The following DPF3 variants were observed in gnomAD, a reference collection of about 807,000 sequenced individuals.
DPF3 encodes the protein double PHD fingers 3.
In DPF3, 18 loss-of-function variants were observed where a neutral mutation model predicts 56.8. The observed-to-expected ratio is 0.32, with a 90% confidence interval of 0.22 to 0.47. The LOEUF is 0.47. DPF3 is among the 20% of genes least tolerant of loss of function. The pLI, the probability that DPF3 is intolerant of heterozygous loss-of-function variation, is 1.00. For synonymous variants in DPF3, 188 were observed against 180.2 expected (o/e 1.04, Z -0.35); for missense variants, 403 against 488.8 (o/e 0.82, Z 1.65).
chr14:72,715,948 G>A (rs1888904760), intron 5 of DPF3, among the ~76,000 whole-genome samples: 1 of 151,196 alleles, frequency 6.6e-6, no homozygotes, highest in African/African-American at 2.4e-5. Flanking sequence ...GTCACCCCGG[G>A]CACTGACAGG....
chr14:72,773,830 AG>A, intron 1 of DPF3: 1 of 455,170 alleles, frequency 2.2e-6, no homozygotes, highest in Non-Finnish European at 4.4e-6. Flanking sequence ...TAATATTTTA[AG>A]TCAGAATAAT....
At chr14:72,773,294 G>A (rs988014284) in intron 1 of DPF3, among the ~76,000 whole-genome samples, 3 of 151,860 alleles carry the variant, frequency 2.0e-5, no homozygotes, top group Admixed American at 6.6e-5. Context: ...CACCATGCCC[G>A]GCTAATTTTT....
chr14:72,687,335 G>A (rs1013553305), intron 7 of DPF3, among the ~76,000 whole-genome samples: 1 of 151,984 alleles, frequency 6.6e-6, no homozygotes, highest in Non-Finnish European at 1.5e-5. Context: ...TTCCCTCTTA[G>A]GAGCTCTGAG....
intron 8 of DPF3, chr14:72,661,618 C>G (rs568865156): frequency 3.0e-4 from 293 of 985,420 alleles, no homozygotes; most frequent in Non-Finnish European, 3.4e-4. Flanking sequence ...AAAACGCCCA[C>G]TTCCGCCAGC....
Position 72,612,492 on chromosome 14 carries a change from G to T in DPF3, c.*6805C>A, listed in dbSNP as rs927395308. 2 of 518,660 alleles carry T rather than the reference G, an allele frequency of 3.9e-6. No individual in the cohort carries two copies. Among genetic ancestry groups the T allele is most frequent in the Admixed American group, 1.9e-5 (1 of 51,552 alleles). The allele number at this position is 518,660 out of a possible 1,614,324, so 32.1% of individuals were successfully genotyped here. A position where few individuals can be genotyped will look rare whatever the true frequency, so the allele number is the denominator to read the frequency against. On this transcript the variant is annotated 3_prime_UTR_variant, in exon 11 of 11. Coordinates refer to ENST00000556509, the MANE Select transcript of DPF3 (RefSeq NM_001280542.3). ...ACTACATGTTGAAAATGTGCACGGGGTATATTTTCTTTTTCCTATACGCCA... is the reference window on the plus strand; with the variant it reads ...ACTACATGTTGAAAATGTGCACGGGTTATATTTTCTTTTTCCTATACGCCA...
intron 8 of DPF3, chr14:72,670,651 C>A (rs909727532): frequency 1.3e-5 from 13 of 990,524 alleles, no homozygotes; most frequent in Non-Finnish European, 1.2e-6. Context: ...CTCTCTCTCT[C>A]TCTCTCTCGC....
intron 1 of DPF3, among the ~76,000 whole-genome samples, chr14:72,861,058 CACACACACACAGACACAT>C (rs1267340081): frequency 7.5e-6 from 1 of 132,968 alleles, no homozygotes; most frequent in African/African-American, 3.1e-5. Context: ...CACACACACA[CACACACACACAGACACAT>C]ACACACTTCC....
In DPF3 at chr14:72,782,266, G is replaced by T. The variant is rs1188695845; in HGVS notation, c.33-10373C>A. 3.4e-5 allele frequency among the ~76,000 whole-genome samples: 5 copies of T among 147,980 alleles called. No individual in the cohort carries two copies. The South Asian group carries it at 6.4e-4, about 19-fold the overall frequency. ...TTTTGAAACAAGGTTTTGCTCTGTTGCCCAGGCTGGATTGCAGTGGTGCAG... is the reference window on the plus strand; with the variant it reads ...TTTTGAAACAAGGTTTTGCTCTGTTTCCCAGGCTGGATTGCAGTGGTGCAG... On this transcript the variant is annotated intron_variant, in intron 1 of 10. Transcript: ENST00000556509.
chr14:72,716,158 C>T (rs1200812460), intron 5 of DPF3, among the ~76,000 whole-genome samples: 1 of 151,832 alleles, frequency 6.6e-6, no homozygotes, highest in African/African-American at 2.4e-5. Context: ...AAAATACCTC[C>T]ATGGGGAAGG....
At chr14:72,674,129 A>G in intron 8 of DPF3, 111 bp downstream of exon 8, 2 of 1,408,344 alleles carry the variant, frequency 1.4e-6, no homozygotes, top group Non-Finnish European at 1.9e-6. Context: ...ACTCGAAAGC[A>G]TTGCCACCAT....
In DPF3 at chr14:72,883,905, C is replaced by T. The variant is rs372041649; in HGVS notation, c.32+10152G>A. On this transcript the variant is annotated intron_variant, in intron 1 of 10. Coordinates refer to ENST00000556509, the MANE Select transcript of DPF3 (RefSeq NM_001280542.3). ...TCACGCCACTGCACTCCAGCCTAGG[C>T]GACAGAGTGAGACTCTGTCTCAAAA... Among the ~76,000 whole-genome samples the T allele has an allele frequency of 1.1e-3, 148 of 140,912 alleles. 1 individual carries two copies. Among genetic ancestry groups the T allele is most frequent in the African/African-American group, 3.4e-3 (131 of 38,328 alleles). The allele number at this position is 140,912 out of a possible 152,430, so 92.4% of individuals were successfully genotyped here.
At chr14:72,697,088 C>T (rs1173142591) in intron 6 of DPF3, among the ~76,000 whole-genome samples, 1 of 152,048 alleles carries the variant, frequency 6.6e-6, no homozygotes, top group Non-Finnish European at 1.5e-5. Context: ...GAATCAGGAC[C>T]AGACAATACA....
At chr14:72,672,291 A>C (rs1032715463) in intron 8 of DPF3, among the ~76,000 whole-genome samples, 1 of 152,182 alleles carries the variant, frequency 6.6e-6, no homozygotes, top group Non-Finnish European at 1.5e-5. Flanking sequence ...TACATCCCTC[A>C]TGGTGCCAAT....
At chr14:72,755,350 C>G (rs1001586862) in intron 2 of DPF3, among the ~76,000 whole-genome samples, 2 of 152,146 alleles carry the variant, frequency 1.3e-5, no homozygotes, top group African/African-American at 4.8e-5. Flanking sequence ...GAGCTTTAGA[C>G]CCATTCTTCT....
rs551755320 is a variant in DPF3, at chr14:72,836,433, T to C, written c.32+57624A>G. On this transcript the variant is annotated intron_variant, in intron 1 of 10. Coordinates refer to ENST00000556509, the MANE Select transcript of DPF3 (RefSeq NM_001280542.3). ...CAGCCACTGGATAAGCGCACCCTCC[T>C]CCATGCCTCCCTGCTCCTGCCTGCC... is the stretch of plus-strand genomic sequence containing the variant. The C allele has an allele frequency of 1.2e-5, 12 of 985,562 alleles. No homozygotes were observed. In the African/African-American group the frequency reaches 2.1e-4, roughly 17 times the overall value. 61.1% of individuals were successfully genotyped at this position (985,562 alleles called of 1,614,324 possible).
chr14:72,635,357 A>C (rs1380533192), intron 8 of DPF3, among the ~76,000 whole-genome samples: 2 of 152,246 alleles, frequency 1.3e-5, no homozygotes, highest in African/African-American at 4.8e-5. Context: ...GAGCAGTGAC[A>C]GCAGCCTTGG....
At chr14:72,868,444 G>A (rs556697368) in intron 1 of DPF3, among the ~76,000 whole-genome samples, 95 of 152,294 alleles carry the variant, frequency 6.2e-4, no homozygotes, top group African/African-American at 2.2e-3. Flanking sequence ...GGGCTGGGAG[G>A]AACAATGGTG....
rs375768372 is a variant in DPF3 at position 72,714,357 on chromosome 14, C to T, written c.604+66G>A. ...TGGCAGGCGGATGGCCAAGGAAGCA[C>T]AGGGAAGAGGGGCCCTGGGGGCAGG... On this transcript the variant is annotated intron_variant, in intron 6 of 10. Transcript: ENST00000556509. The T allele has an allele frequency of 1.8e-3, 2,795 of 1,593,926 alleles. 64 individuals carry two copies. The South Asian group carries it at 0.029, about 17-fold the overall frequency.
chr14:72,711,052 A>G (rs1347557551), intron 6 of DPF3, among the ~76,000 whole-genome samples: 1 of 152,348 alleles, frequency 6.6e-6, no homozygotes, highest in East Asian at 1.9e-4. Flanking sequence ...AGCTTGGAGC[A>G]AGAACACACA....
Sources: allele counts gnomAD v4.1 joint callset (sites outside exome capture counted in the v4.1 genomes callset), GRCh38; gene constraint gnomAD v4.1.1; transcripts MANE v1.5; gene names NCBI Gene and HGNC (gene_info 2026-07-23, HGNC 2026-07-21).